PHEX: variants seen among roughly 807,000 people sequenced by gnomAD.
The protein encoded by PHEX is phosphate regulating endopeptidase X-linked.
PHEX carries 16 observed loss-of-function variants against 68.0 expected under a neutral mutation model. The observed-to-expected ratio is 0.24, with a 90% CI of 0.16 to 0.36. PHEX has a LOEUF of 0.36. Among genes scored for constraint, PHEX ranks in the 10% least tolerant of loss-of-function variants. The pLI is 1.00. For synonymous variants in PHEX, 208 were observed against 205.1 expected, an observed-to-expected ratio of 1.01 and a Z score of -0.12; for missense variants, 480 against 575.5, an observed-to-expected ratio of 0.83 and a Z score of 1.70.
At position 22,250,675 on chromosome X, in the gene PHEX, G is replaced by C. The variant is rs1343250703; in HGVS notation, c.*2722G>C. On this transcript the variant is annotated 3_prime_UTR_variant, in exon 22 of 22. Coordinates refer to ENST00000379374, the MANE Select transcript of PHEX (RefSeq NM_000444.6). The stretch of plus-strand genomic sequence containing the variant: ...CAAAGTGTACTGAGCTTTTCACTAA[G>C]TGCTCAGCATTGGCCTCCTGTTCTC... 2 of 112,206 alleles carry C rather than the reference G, an allele frequency of 1.8e-5. No individual in the cohort carries two copies. Among genetic ancestry groups the C allele is most frequent in the Non-Finnish European group, 3.8e-5 (2 of 53,240 alleles). The allele number at this position is 112,206 out of a possible 1,213,427, so 9.2% of individuals were successfully genotyped here.
At chrX:22,175,392 C>G (rs183758675) in intron 13 of PHEX, among the ~76,000 whole-genome samples, 1 of 109,429 alleles carries the variant, frequency 9.1e-6, no homozygotes, top group African/African-American at 3.3e-5. Context: ...CCTCTGTTGC[C>G]CAGGCTGGAG....
intron 3 of PHEX, among the ~76,000 whole-genome samples, chrX:22,058,338 A>C (rs1426718769): frequency 4.4e-5 from 5 of 112,537 alleles, no homozygotes; most frequent in African/African-American, 1.6e-4. Flanking sequence ...AATAAATGGA[A>C]TCCGTTGCTA....
intron 18 of PHEX, among the ~76,000 whole-genome samples, chrX:22,224,058 C>T (rs1007468460): frequency 6.3e-5 from 7 of 111,654 alleles, no homozygotes; most frequent in Non-Finnish European, 9.4e-5. Flanking sequence ...TCTCGGCTCA[C>T]TACAACCTCT....
intron 12 of PHEX, among the ~76,000 whole-genome samples, chrX:22,138,403 A>G (rs1932321583): frequency 8.9e-6 from 1 of 112,601 alleles, no homozygotes; most frequent in Admixed American, 9.4e-5. Flanking sequence ...CTAGGAGAGA[A>G]CAGGAGGCCA....
intron 11 of PHEX, among the ~76,000 whole-genome samples, chrX:22,129,823 A>C (rs147577300): frequency 8.9e-4 from 99 of 111,364 alleles, no homozygotes; most frequent in African/African-American, 3.2e-3. Context: ...CCAAACTCCA[A>C]ACCCTCAGAC....
At chrX:22,120,858 A>C (rs759422539) in intron 11 of PHEX, among the ~76,000 whole-genome samples, 1 of 112,188 alleles carries the variant, frequency 8.9e-6, no homozygotes, top group Non-Finnish European at 1.9e-5. Context: ...ACATCAAAGA[A>C]ATTTTTTTTC....
At chrX:22,041,780 C>CT (rs200627534) in intron 2 of PHEX, among the ~76,000 whole-genome samples, 1 of 110,565 alleles carries the variant, frequency 9.0e-6, no homozygotes, top group Non-Finnish European at 1.9e-5. Context: ...GTTTAGAACA[C>CT]TTTTTTGTAT....
chrX:22,171,153 A>T (rs758256766), intron 13 of PHEX: 1 of 111,555 alleles, frequency 9.0e-6, no homozygotes, highest in South Asian at 3.8e-4. Flanking sequence ...GGTTTAATTG[A>T]CTCACAGTTC....
At chrX:22,140,858 T>A (rs768499382) in intron 12 of PHEX, among the ~76,000 whole-genome samples, 44 of 111,459 alleles carry the variant, frequency 3.9e-4, no homozygotes, top group Admixed American at 1.9e-4. Flanking sequence ...GACTGGATGT[T>A]CTAAATGCTT....
At chrX:22,173,900 G>A (rs1299275145) in intron 13 of PHEX, among the ~76,000 whole-genome samples, 1 of 111,968 alleles carries the variant, frequency 8.9e-6, no homozygotes, top group African/African-American at 3.2e-5. Context: ...CATGTAGGCC[G>A]AAGACTATAC....
At chrX:22,109,048 A>G (rs2147059295) in intron 9 of PHEX, among the ~76,000 whole-genome samples, 1 of 111,950 alleles carries the variant, frequency 8.9e-6, no homozygotes, top group African/African-American at 3.2e-5. Context: ...CAAGTGGCTT[A>G]AAAATTCTTG....
chrX:22,065,743 A>G (rs949930515), intron 3 of PHEX, among the ~76,000 whole-genome samples: 30 of 111,062 alleles, frequency 2.7e-4, no homozygotes, highest in African/African-American at 9.8e-4. Flanking sequence ...ATTTCTTGAT[A>G]CTCATTTTAT....
At chrX:22,060,696 G>T (rs185891057) in intron 3 of PHEX, among the ~76,000 whole-genome samples, 1 of 111,642 alleles carries the variant, frequency 9.0e-6, no homozygotes. Flanking sequence ...TAGGAGGAAA[G>T]AAACATTTCA....
chrX:22,154,631 A>G lies in PHEX; in HGVS notation c.1405-13681A>G, dbSNP rs544123339. On this transcript the variant is annotated intron_variant, in intron 12 of 21. Transcript: ENST00000379374. Reference sequence around the variant, plus strand: ...AAGAATGATTCTTTCCCAAATGTCAATAGTGCCAAGGTTGAGAAACCCTGC... The same window carrying G: ...AAGAATGATTCTTTCCCAAATGTCAGTAGTGCCAAGGTTGAGAAACCCTGC... 1.8e-4 allele frequency among the ~76,000 whole-genome samples: 20 copies of G among 111,802 alleles called. No individual in the cohort carries two copies. In the South Asian group the frequency reaches 6.0e-3, roughly 34 times the overall value.
At chrX:22,209,674 C>CCCTCCCTCTCCTCCCTCT (rs1185896085) in intron 15 of PHEX, among the ~76,000 whole-genome samples, 1 of 104,936 alleles carries the variant, frequency 9.5e-6, no homozygotes, top group African/African-American at 3.5e-5. Context: ...TCCTTCCTCT[C>CCCTCCCTCTCCTCCCTCT]CCTCCCTCTC....
intron 7 of PHEX, 84 bp downstream of exon 7, chrX:22,094,183 C>A: frequency 3.6e-6 from 2 of 551,819 alleles, no homozygotes; most frequent in Non-Finnish European, 6.3e-6. Flanking sequence ...TTATTAAAGG[C>A]AGTATATCCT....
chrX:22,153,712 A>T (rs17275385), intron 12 of PHEX, among the ~76,000 whole-genome samples: 2 of 111,733 alleles, frequency 1.8e-5, no homozygotes, highest in Admixed American at 9.6e-5. Context: ...CGGGTGTTCT[A>T]TGAAAAATGA....
chrX:22,248,060 T>G lies in PHEX; in HGVS notation c.*107T>G. ...TAGGCCTGGAGACTTTCATTTTTAG[T>G]GCATTTTCATTATTTGGGTAGGTGA... On this transcript the variant is annotated 3_prime_UTR_variant, in exon 22 of 22. Coordinates refer to ENST00000379374, the MANE Select transcript of PHEX (RefSeq NM_000444.6). The G allele has an allele frequency of 5.2e-6, 3 of 580,400 alleles. No homozygotes were observed. The South Asian group carries it at 7.1e-5, about 14-fold the overall frequency. The allele number at this position is 580,400 out of a possible 1,213,427, so 47.8% of individuals were successfully genotyped here.
At position 22,131,911 on chromosome X, in the gene PHEX, G is replaced by A. The variant is rs942583483; in HGVS notation, c.1303-1612G>A. ...GGCAGGGCCTCCTCACATTGCTGCC[G>A]GTGGCCTCTAATGTGACGTGTCAGT... On this transcript the variant is annotated intron_variant, in intron 11 of 21. Transcript: ENST00000379374. 5.4e-5 allele frequency among the ~76,000 whole-genome samples: 6 copies of A among 110,702 alleles called. No homozygotes were observed. The South Asian group carries it at 1.2e-3, about 22-fold the overall frequency.
Sources: allele counts gnomAD v4.1 joint callset (sites outside exome capture counted in the v4.1 genomes callset), GRCh38; gene constraint gnomAD v4.1.1; transcripts MANE v1.5; gene names NCBI Gene and HGNC (gene_info 2026-07-23, HGNC 2026-07-21).